The following SATL1 variants were observed in gnomAD, a reference collection of about 807,000 sequenced individuals.
The protein encoded by SATL1 is spermidine/spermine N1-acetyl transferase like 1, also known as spermidine/spermine N(1)-acetyltransferase-like protein 1.
In SATL1, 47 loss-of-function variants were observed where a neutral mutation model predicts 51.8. The observed-to-expected ratio is 0.91, with a 90% CI of 0.72 to 1.16. The LOEUF (loss-of-function observed/expected upper bound fraction) is 1.16. Among genes scored for constraint, SATL1 ranks in the 50% most tolerant of loss-of-function variants. The pLI is 0.00. For synonymous variants in SATL1, 176 were observed against 182.4 expected, an observed-to-expected ratio of 0.97 and a Z score of 0.28; for missense variants, 520 against 526.4, an observed-to-expected ratio of 0.99 and a Z score of 0.12.
In SATL1 at chrX:85,108,449, A is replaced by G; in HGVS notation, c.520T>C (p.Trp174Arg). The change falls in exon 3 of 8, where the codon TGG becomes CGG. Residue 174 changes from tryptophan (W) to arginine (R), a missense_variant. By Grantham distance (101) the Trp-to-Arg change is moderately radical (BLOSUM62 -3). Around this residue, in one of 3 missense-constraint regions of SATL1, gnomAD observed 488 missense variants for 474.3 expected, o/e 1.03. Coordinates refer to ENST00000644105, the MANE Select transcript of SATL1 (RefSeq NM_001367857.2). ...SQIGMSQPGT[W>R]QTGLSQPVLR... is the part of the protein sequence containing the mutation. ...ACTGGTTGGCTCAGTCCTGTTTGCC[A>G]TGTGCCTGGTTGGCTCATGCCTATT... is the stretch of plus-strand genomic sequence containing the variant. 8.3e-7 allele frequency: 1 copy of G among 1,210,063 alleles called. No homozygotes were observed.
chrX:85,098,917 C>A (rs899383810), intron 4 of SATL1, among the ~76,000 whole-genome samples: 1 of 110,779 alleles, frequency 9.0e-6, no homozygotes, highest in African/African-American at 3.3e-5. Flanking sequence ...AAACTAAGCC[C>A]AGAGCTTGCA....
intron 2 of SATL1, among the ~76,000 whole-genome samples, chrX:85,152,514 A>C (rs1926475626): frequency 9.0e-6 from 1 of 111,566 alleles, no homozygotes; most frequent in South Asian, 3.8e-4. Context: ...AGACACATGC[A>C]CACGTATGTT....
intron 1 of SATL1, among the ~76,000 whole-genome samples, chrX:85,227,012 G>T (rs1928288578): frequency 9.0e-6 from 1 of 110,744 alleles, no homozygotes; most frequent in South Asian, 3.8e-4. Context: ...TTTCTTGCTT[G>T]AGTTCAGCTG....
chrX:85,217,632 C>G (rs771706241), intron 2 of SATL1, among the ~76,000 whole-genome samples: 17 of 111,926 alleles, frequency 1.5e-4, no homozygotes, highest in Non-Finnish European at 3.2e-4. Flanking sequence ...CCAAGCTCAG[C>G]ATTCTGTTAA....
At chrX:85,120,337 G>T (rs775221254) in intron 2 of SATL1, among the ~76,000 whole-genome samples, 71 of 111,529 alleles carry the variant, frequency 6.4e-4, no homozygotes, top group Non-Finnish European at 8.1e-4. Context: ...CTCCAAAAGA[G>T]GAAAAATACC....
intron 2 of SATL1, among the ~76,000 whole-genome samples, chrX:85,220,697 A>C (rs1928158623): frequency 1.1e-5 from 1 of 90,654 alleles, no homozygotes; most frequent in African/African-American, 4.0e-5. Flanking sequence ...ACTCTCCTGG[A>C]TCTAAGATGC....
intron 2 of SATL1, among the ~76,000 whole-genome samples, chrX:85,182,215 C>T (rs752424600): frequency 9.0e-6 from 1 of 111,164 alleles, no homozygotes; most frequent in South Asian, 3.8e-4. Context: ...ATTTTGTATC[C>T]TTTAACAAAT....
At chrX:85,219,786 T>C (rs1248292218) in intron 2 of SATL1, 1 of 110,437 alleles carries the variant, frequency 9.1e-6, no homozygotes, top group Non-Finnish European at 1.9e-5. Flanking sequence ...CATTCCTTCT[T>C]CTCTTCCTTT....
chrX:85,237,677 C>T (rs1928507393), intron 1 of SATL1, among the ~76,000 whole-genome samples: 1 of 111,125 alleles, frequency 9.0e-6, no homozygotes, highest in South Asian at 3.7e-4. Context: ...TAAGTAATAC[C>T]CCAGAAGCAC....
At chrX:85,103,942 T>C in intron 3 of SATL1, 27 bp from the exon 4 acceptor site, 1 of 1,089,409 alleles carries the variant, frequency 9.2e-7, no homozygotes, top group Non-Finnish European at 1.3e-6. Context: ...AACCTTCAGT[T>C]TATGATTTAG....
At chrX:85,202,318 A>T (rs2088626537) in intron 2 of SATL1, among the ~76,000 whole-genome samples, 1 of 111,212 alleles carries the variant, frequency 9.0e-6, no homozygotes, top group East Asian at 2.8e-4. Flanking sequence ...ATTATATCCC[A>T]TTTGCCAATT....
intron 2 of SATL1, among the ~76,000 whole-genome samples, chrX:85,129,661 T>C (rs898105022): frequency 9.8e-5 from 11 of 111,779 alleles, no homozygotes; most frequent in Non-Finnish European, 1.5e-4. Context: ...CTGATTGCCC[T>C]GGCCAGAACT....
chrX:85,240,462 C>T (rs66739203), intron 1 of SATL1, among the ~76,000 whole-genome samples: 26,718 of 110,779 alleles, frequency 0.24, 3,392 homozygotes, highest in African/African-American at 0.49. Context: ...TCTACATTTA[C>T]TTCTGGATTT....
intron 1 of SATL1, among the ~76,000 whole-genome samples, chrX:85,239,818 C>T (rs1376801019): frequency 9.0e-6 from 1 of 111,007 alleles, no homozygotes; most frequent in Non-Finnish European, 1.9e-5. Context: ...GAACCTTAAC[C>T]TGAATTTCAC....
chrX:85,209,775 C>CA (rs756752092), intron 2 of SATL1: 1 of 110,325 alleles, frequency 9.1e-6, no homozygotes, highest in East Asian at 2.9e-4. Flanking sequence ...TTGATCTTTT[C>CA]AAAAAACCAG....
chrX:85,156,714 C>T (rs997530430), intron 2 of SATL1, among the ~76,000 whole-genome samples: 1 of 103,897 alleles, frequency 9.6e-6, no homozygotes, highest in African/African-American at 3.6e-5. Context: ...CCTAAGGCAG[C>T]CTTGGGGAAA....
intron 4 of SATL1, among the ~76,000 whole-genome samples, chrX:85,101,818 C>A (rs993172713): frequency 9.0e-6 from 1 of 110,812 alleles, no homozygotes; most frequent in African/African-American, 3.3e-5. Context: ...TATATATATA[C>A]ACAATGGAAT....
At chrX:85,154,487 C>T (rs1428994547) in intron 2 of SATL1, among the ~76,000 whole-genome samples, 1 of 112,035 alleles carries the variant, frequency 8.9e-6, no homozygotes, top group Non-Finnish European at 1.9e-5. Context: ...AAGCAGCAAT[C>T]GTTTATTGAG....
chrX:85,095,468 T>A (rs1308153103), intron 4 of SATL1, among the ~76,000 whole-genome samples: 3 of 111,482 alleles, frequency 2.7e-5, no homozygotes, highest in African/African-American at 9.8e-5. Flanking sequence ...TGCCCTGTTT[T>A]GTGAGACATT....
Sources: allele counts gnomAD v4.1 joint callset (sites outside exome capture counted in the v4.1 genomes callset), GRCh38; gene constraint gnomAD v4.1.1; regional missense constraint gnomAD v4.1.1; transcripts MANE v1.5; gene names NCBI Gene and HGNC (gene_info 2026-07-23, HGNC 2026-07-21).